The following PALM2AKAP2 variants were observed in gnomAD, a reference collection of about 807,000 sequenced individuals.
The protein encoded by PALM2AKAP2 is PALM2 and AKAP2 fusion.
In PALM2AKAP2, 37 loss-of-function variants were observed where a neutral mutation model predicts 71.5. The observed-to-expected ratio is 0.52, with a 90% confidence interval of 0.40 to 0.68. The LOEUF is 0.68. Among genes scored for constraint, PALM2AKAP2 ranks in the 30% least tolerant of loss-of-function variants. PALM2AKAP2 has a pLI of 0.00. For synonymous variants in PALM2AKAP2, 468 were observed against 478.8 expected, an observed-to-expected ratio of 0.98 and a Z score of 0.29; for missense variants, 1,224 against 1,191.8, an observed-to-expected ratio of 1.03 and a Z score of -0.40.
chr9:110,004,479 A>C (rs1832741144), intron 6 of PALM2AKAP2, among the ~76,000 whole-genome samples: 1 of 151,990 alleles, frequency 6.6e-6, no homozygotes, highest in Non-Finnish European at 1.5e-5. Context: ...CCTTCATTTC[A>C]ACTTTGGTGA....
chr9:109,834,046 C>T (rs1339884138), intron 1 of PALM2AKAP2, among the ~76,000 whole-genome samples: 2 of 152,162 alleles, frequency 1.3e-5, no homozygotes, highest in Admixed American at 6.5e-5. Flanking sequence ...AACCCCGTCT[C>T]TACTAAAAAA....
At chr9:109,875,973 T>A (rs547681253) in intron 2 of PALM2AKAP2, among the ~76,000 whole-genome samples, 2 of 152,290 alleles carry the variant, frequency 1.3e-5, no homozygotes, top group South Asian at 4.2e-4. Flanking sequence ...GACATTCGTT[T>A]GACAAATGTG....
chr9:109,765,892 A>G (rs935214133), intron 1 of PALM2AKAP2, among the ~76,000 whole-genome samples: 1 of 152,164 alleles, frequency 6.6e-6, no homozygotes, highest in Non-Finnish European at 1.5e-5. Flanking sequence ...GCAATGCACA[A>G]CATGGTCGGG....
At chr9:110,108,637 G>A (rs1222269378) in intron 1 of PALM2AKAP2, among the ~76,000 whole-genome samples, 1 of 152,028 alleles carries the variant, frequency 6.6e-6, no homozygotes, top group Non-Finnish European at 1.5e-5. Context: ...CAAAAATCGT[G>A]ACCCATATAG....
intron 6 of PALM2AKAP2, among the ~76,000 whole-genome samples, chr9:110,015,053 A>G (rs1312936397): frequency 6.6e-6 from 1 of 151,600 alleles, no homozygotes; most frequent in Non-Finnish European, 1.5e-5. Context: ...CCGGATGTCC[A>G]CTCTTGGAGA....
At chr9:110,060,791 G>A (rs1413263726) in intron 1 of PALM2AKAP2, among the ~76,000 whole-genome samples, 2 of 151,694 alleles carry the variant, frequency 1.3e-5, no homozygotes, top group African/African-American at 4.8e-5. Flanking sequence ...TGGTAGAGAC[G>A]GGATTTCGCC....
intron 1 of PALM2AKAP2, among the ~76,000 whole-genome samples, chr9:110,126,544 G>A (rs1835609020): frequency 6.6e-6 from 1 of 152,180 alleles, no homozygotes; most frequent in Non-Finnish European, 1.5e-5. Context: ...TTGGTGAGAA[G>A]AGCCTCCGAG....
At chr9:110,162,161 T>TA (rs1836616221) in intron 3 of PALM2AKAP2, 29 bp downstream of exon 10, 1 of 1,612,782 alleles carries the variant, frequency 6.2e-7, no homozygotes, top group African/African-American at 1.3e-5. Context: ...GTCTTGGTCT[T>TA]ACTGAATGCA....
chr9:109,644,504 T>A (rs114896818), intron 1 of PALM2AKAP2, among the ~76,000 whole-genome samples: 2,856 of 152,340 alleles, frequency 0.019, 83 homozygotes, highest in African/African-American at 0.064. Flanking sequence ...ACAGTCATGA[T>A]TCTCTTTGTC....
chr9:110,150,376 G>A (rs1028336762), intron 2 of PALM2AKAP2, among the ~76,000 whole-genome samples: 4 of 152,138 alleles, frequency 2.6e-5, no homozygotes, highest in African/African-American at 9.7e-5. Context: ...GTGGCTCTGG[G>A]GAAGAGTTCA....
chr9:110,061,352 G>T (rs1179466924), intron 1 of PALM2AKAP2, among the ~76,000 whole-genome samples: 1 of 152,048 alleles, frequency 6.6e-6, no homozygotes, highest in Non-Finnish European at 1.5e-5. Flanking sequence ...CCTTTAACAT[G>T]GGCCCATTTT....
At position 109,730,891 on chromosome 9, in the gene PALM2AKAP2, C is replaced by T. The variant is rs1227501684; in HGVS notation, c.6-49597C>T. 3.3e-5 allele frequency among the ~76,000 whole-genome samples: 5 copies of T among 151,906 alleles called. No homozygotes were observed. In the East Asian group the frequency reaches 9.6e-4, roughly 29 times the overall value. Reference sequence around the variant, plus strand: ...AACCAACAACATATCTTGAATAGCGCTCATTTGCCAGTGGAAAAAAAAAAA... The same window carrying T: ...AACCAACAACATATCTTGAATAGCGTTCATTTGCCAGTGGAAAAAAAAAAA... On this transcript the variant is annotated intron_variant, in intron 1 of 6. Coordinates refer to the PALM2AKAP2 transcript ENST00000374531.
chr9:109,700,745 G>T (rs1828042445), intron 1 of PALM2AKAP2, among the ~76,000 whole-genome samples: 1 of 152,208 alleles, frequency 6.6e-6, no homozygotes, highest in Non-Finnish European at 1.5e-5. Context: ...GCTGGGCTGT[G>T]TCTGTCTCAC....
chr9:110,092,783 A>G (rs887280029), intron 1 of PALM2AKAP2, among the ~76,000 whole-genome samples: 8 of 152,156 alleles, frequency 5.3e-5, no homozygotes, highest in Non-Finnish European at 7.4e-5. Context: ...TGTTGGTTCT[A>G]TTCTCTAGTA....
At chr9:110,031,373 G>A (rs746761500) in intron 7 of PALM2AKAP2, among the ~76,000 whole-genome samples, 54 of 152,150 alleles carry the variant, frequency 3.5e-4, no homozygotes, top group African/African-American at 1.3e-3. Flanking sequence ...CAACTGATCC[G>A]CCCACCTCAG....
chr9:109,775,015 A>G (rs1829328348), intron 1 of PALM2AKAP2, among the ~76,000 whole-genome samples: 1 of 152,236 alleles, frequency 6.6e-6, no homozygotes, highest in African/African-American at 2.4e-5. Flanking sequence ...ATGACAACCC[A>G]ATGAGACTGG....
At chr9:109,963,963 G>T (rs1831897140) in intron 6 of PALM2AKAP2, among the ~76,000 whole-genome samples, 1 of 152,186 alleles carries the variant, frequency 6.6e-6, no homozygotes, top group Non-Finnish European at 1.5e-5. Flanking sequence ...AGGGAAGAAG[G>T]TAACAGGCCA....
At chr9:109,752,829 G>A (rs1323132243) in intron 1 of PALM2AKAP2, among the ~76,000 whole-genome samples, 1 of 152,184 alleles carries the variant, frequency 6.6e-6, no homozygotes, top group Non-Finnish European at 1.5e-5. Context: ...CAAGAGACCA[G>A]TAGCCGGGCA....
rs867611625 is a variant in PALM2AKAP2 at position 110,005,367 on chromosome 9, C to G, written c.497-10587C>G. On this transcript the variant is annotated intron_variant, in intron 6 of 9. Coordinates refer to the PALM2AKAP2 transcript ENST00000302798. ...ATATTGGTGAACAGCAAATATTGCT[C>G]CCTGATCATTCCTCTGGAAGTTTTG... is the stretch of plus-strand genomic sequence containing the variant. Among the ~76,000 whole-genome samples, 3 of 152,194 alleles carry G rather than the reference C, an allele frequency of 2.0e-5. 1 individual carries two copies. Among genetic ancestry groups the G allele is most frequent in the South Asian group, 4.1e-4 (2 of 4,832 alleles).
Sources: gnomAD v4.1 joint callset for allele counts (sites outside exome capture counted in the v4.1 genomes callset) on GRCh38, gnomAD v4.1.1 for gene constraint, MANE v1.5 for transcripts, NCBI Gene and HGNC (gene_info 2026-07-23, HGNC 2026-07-21) for gene names.